Variants in RBKS observed in about 807,000 individuals in gnomAD.
The protein encoded by RBKS is ribokinase.
A neutral mutation model predicts 33.9 loss-of-function variants in RBKS; 33 were observed. The observed-to-expected ratio is 0.97, with a 90% CI of 0.74 to 1.30. The LOEUF is 1.30. Among genes scored for constraint, RBKS ranks in the 50% most tolerant of loss-of-function variants. RBKS has a pLI of 0.00. For synonymous variants in RBKS, 125 were observed against 143.0 expected, an observed-to-expected ratio of 0.87 and a Z score of 0.90; for missense variants, 361 against 392.6, an observed-to-expected ratio of 0.92 and a Z score of 0.68.
intron 4 of RBKS, 70 bp downstream of exon 4, chr2:27,846,972 T>C (rs1663633787): frequency 9.1e-7 from 1 of 1,095,546 alleles, no homozygotes; most frequent in Non-Finnish European, 1.4e-6. Flanking sequence ...TGGTAAAAAT[T>C]GATGCTTCTG....
At chr2:27,816,832 C>T (rs1309619642) in intron 7 of RBKS, among the ~76,000 whole-genome samples, 2 of 152,126 alleles carry the variant, frequency 1.3e-5, no homozygotes, top group African/African-American at 4.8e-5. Context: ...CTCCTGACCT[C>T]GTGATCCACC....
chr2:27,804,555 A>G (rs1677860146), intron 7 of RBKS, among the ~76,000 whole-genome samples: 1 of 152,240 alleles, frequency 6.6e-6, no homozygotes, highest in Non-Finnish European at 1.5e-5. Flanking sequence ...TAATATATTC[A>G]CACCTAATCT....
chr2:27,876,928 C>T (rs993872990), intron 1 of RBKS, among the ~76,000 whole-genome samples: 3 of 152,064 alleles, frequency 2.0e-5, no homozygotes, highest in African/African-American at 7.2e-5. Context: ...TCAAGGAAAT[C>T]GGTCCTTACT....
chr2:27,854,650 A>T (rs530951354), intron 2 of RBKS, among the ~76,000 whole-genome samples: 1 of 152,360 alleles, frequency 6.6e-6, no homozygotes, highest in Admixed American at 6.5e-5. Context: ...TATAATTTAA[A>T]GTACATGTAA....
intron 7 of RBKS, among the ~76,000 whole-genome samples, chr2:27,820,895 C>T (rs1334335069): frequency 1.3e-5 from 2 of 151,990 alleles, no homozygotes; most frequent in African/African-American, 2.4e-5. Context: ...AAAAAATTAG[C>T]TGGGAGTGGT....
At chr2:27,790,399 A>G (rs1677499397) in intron 7 of RBKS, among the ~76,000 whole-genome samples, 1 of 152,216 alleles carries the variant, frequency 6.6e-6, no homozygotes, top group Admixed American at 6.5e-5. Flanking sequence ...TGCTAGGCAG[A>G]TTTCTTAGGA....
chr2:27,876,866 A>G (rs1265079689), intron 1 of RBKS, among the ~76,000 whole-genome samples: 1 of 152,180 alleles, frequency 6.6e-6, no homozygotes, highest in Non-Finnish European at 1.5e-5. Context: ...AAAGGACAAT[A>G]ATACTAAGTA....
intron 7 of RBKS, among the ~76,000 whole-genome samples, chr2:27,801,827 CG>C (rs1677791439): frequency 6.6e-6 from 1 of 150,572 alleles, no homozygotes; most frequent in South Asian, 2.1e-4. Flanking sequence ...AAGAGAGTGA[CG>C]GGGAAGATGC....
At chr2:27,799,338 G>C (rs1677729206) in intron 7 of RBKS, among the ~76,000 whole-genome samples, 1 of 152,182 alleles carries the variant, frequency 6.6e-6, no homozygotes, top group Non-Finnish European at 1.5e-5. Flanking sequence ...AGCTTCACTT[G>C]TTAGGAATCC....
chr2:27,841,451 C>T (rs1052523188), intron 5 of RBKS, among the ~76,000 whole-genome samples: 2 of 152,086 alleles, frequency 1.3e-5, no homozygotes, highest in African/African-American at 4.8e-5. Flanking sequence ...GGGCACGGTG[C>T]AGAGAATGCG....
chr2:27,807,126 T>C (rs982678124), intron 7 of RBKS, among the ~76,000 whole-genome samples: 2 of 152,200 alleles, frequency 1.3e-5, no homozygotes, highest in Non-Finnish European at 2.9e-5. Context: ...GAAAACAACA[T>C]GTGGTCTGAA....
At chr2:27,849,733 A>T (rs971385248) in intron 2 of RBKS, among the ~76,000 whole-genome samples, 1 of 152,034 alleles carries the variant, frequency 6.6e-6, no homozygotes, top group South Asian at 2.1e-4. Flanking sequence ...CACTTTGGTA[A>T]CTGGATCTCC....
intron 2 of RBKS, among the ~76,000 whole-genome samples, chr2:27,856,913 T>C (rs1663869608): frequency 6.6e-6 from 1 of 152,160 alleles, no homozygotes; most frequent in African/African-American, 2.4e-5. Flanking sequence ...GACCCATAAT[T>C]CCTGGAACAT....
rs1573056031 is a variant in RBKS, at chr2:27,837,270, T to A, written c.515-4493A>T. 6.6e-6 allele frequency among the ~76,000 whole-genome samples: 1 copy of A among 150,696 alleles called. No homozygotes were observed. The highest frequency in any genetic ancestry group is 1.5e-5 in the Non-Finnish European group (1 of 67,980). On this transcript the variant is annotated intron_variant, in intron 5 of 7. Transcript: ENST00000302188. The surrounding 1 kb of genome is among the most constrained non-coding windows in gnomAD (Gnocchi z 4.0). ...GCCTGGGCGATAGAGCGAGACTCCA[T>A]CTCAAAAAACAAAACAAAACAAAAC...
At chr2:27,884,284 T>G (rs1156888872) in intron 1 of RBKS, among the ~76,000 whole-genome samples, 1 of 152,230 alleles carries the variant, frequency 6.6e-6, no homozygotes, top group Non-Finnish European at 1.5e-5. Flanking sequence ...GGTCTCACTC[T>G]GTTGTCCAGG....
At chr2:27,792,400 T>TAA (rs970783537) in intron 7 of RBKS, among the ~76,000 whole-genome samples, 6 of 152,188 alleles carry the variant, frequency 3.9e-5, no homozygotes, top group Non-Finnish European at 8.8e-5. Context: ...TTGTGAACAT[T>TAA]AAAAAACAGC....
chr2:27,835,780 T>C (rs1465442882), intron 5 of RBKS, among the ~76,000 whole-genome samples: 3 of 152,024 alleles, frequency 2.0e-5, no homozygotes, highest in Non-Finnish European at 4.4e-5. Context: ...TATGTGTATT[T>C]ACATTTATAC....
At chr2:27,859,379 C>T (rs55995806) in intron 1 of RBKS, among the ~76,000 whole-genome samples, 12,497 of 152,164 alleles carry the variant, frequency 0.082, 809 homozygotes, top group African/African-American at 0.17. Context: ...TCAATACCTT[C>T]ATCAGCTTCT....
At chr2:27,801,511 G>A (rs1027603118) in intron 7 of RBKS, among the ~76,000 whole-genome samples, 31 of 98,684 alleles carry the variant, frequency 3.1e-4, no homozygotes, top group Middle Eastern at 4.8e-3. Flanking sequence ...ACACACAAGC[G>A]GTCCCAACTT....
Sources: allele counts gnomAD v4.1 joint callset (sites outside exome capture counted in the v4.1 genomes callset), GRCh38; gene constraint gnomAD v4.1.1; non-coding constraint Gnocchi (gnomAD v3.1); transcripts MANE v1.5; gene names NCBI Gene and HGNC (gene_info 2026-07-23, HGNC 2026-07-21).